AP3B2: variants seen among roughly 807,000 people sequenced by gnomAD.
AP3B2 encodes the protein adaptor related protein complex 3 subunit beta 2, also known as AP-3 complex subunit beta-2.
AP3B2 carries 50 observed loss-of-function variants against 126.9 expected under a neutral mutation model. The observed-to-expected ratio is 0.39, with a 90% confidence interval of 0.31 to 0.50. AP3B2 has a LOEUF of 0.50. Among genes scored for constraint, AP3B2 ranks in the 20% least tolerant of loss-of-function variants. The pLI, the probability that AP3B2 is intolerant of heterozygous loss-of-function variation, is 0.79. For missense variants in AP3B2, 1,177 were observed against 1,426.4 expected (o/e 0.83, Z 2.82); for synonymous variants, 541 against 565.0 (o/e 0.96, Z 0.60).
chr15:82,707,917 C>A (rs1234237275), intron 1 of AP3B2, among the ~76,000 whole-genome samples: 1 of 152,216 alleles, frequency 6.6e-6, no homozygotes, highest in African/African-American at 2.4e-5. Flanking sequence ...CCCTTCAAGG[C>A]TATGGAGAAG....
chr15:82,672,740 A>G (rs944171265), intron 14 of AP3B2, among the ~76,000 whole-genome samples: 1 of 152,220 alleles, frequency 6.6e-6, no homozygotes, highest in Admixed American at 6.5e-5. Flanking sequence ...TACACCTACT[A>G]TGTACCCATA....
rs747150151 is a variant in AP3B2, at chr15:82,662,847, A to G, written c.2680T>C (p.Tyr894His). 9.3e-6 allele frequency: 15 copies of G among 1,613,600 alleles called. No individual in the cohort carries two copies. The highest frequency in any genetic ancestry group is 1.2e-5 in the Non-Finnish European group (14 of 1,179,812). Residue 894 changes from tyrosine to histidine, a missense_variant, in exon 23 of 27, where the codon TAC becomes CAC. Transcript: ENST00000535359. ...GAGAAAGGTTGGCGGCTGAAGGTGT[A>G]GTCCACAGCCAGCCCCTCGCCAGCT... The part of the protein sequence containing the change: ...RVAGEGLAVD[Y>H]TFSRQPFSGD...
chr15:82,688,299 T>C (rs1305176131), intron 4 of AP3B2: 2 of 633,652 alleles, frequency 3.2e-6, no homozygotes, highest in African/African-American at 1.8e-5. Context: ...CTAGAGGCCT[T>C]GGGCAAAATG....
At chr15:82,693,962 A>G (rs1226509908) in intron 1 of AP3B2, among the ~76,000 whole-genome samples, 1 of 151,460 alleles carries the variant, frequency 6.6e-6, no homozygotes. Flanking sequence ...CAGCCTCCCA[A>G]AGTGCTGGGA....
chr15:82,681,678 G>T lies in AP3B2; in HGVS notation c.361-98C>A. 7.6e-7 allele frequency: 1 copy of T among 1,323,228 alleles called. No individual in the cohort carries two copies. The highest frequency in any genetic ancestry group is 1.0e-6 in the Non-Finnish European group (1 of 969,246). The allele number at this position is 1,323,228 out of a possible 1,614,324, so 82.0% of individuals were successfully genotyped here. On this transcript the variant is annotated intron_variant, in intron 4 of 26. Coordinates refer to ENST00000535359, the MANE Select transcript of AP3B2 (RefSeq NM_001278512.2). This position sits in a 1 kb window ranked among gnomAD's most constrained non-coding sequence, Gnocchi z 4.0. ...AAGTCACTGTCCCCAGCGACCACTA[G>T]CTCTTGCTTCCCTGCCGCTTGACTG...
In AP3B2 at chr15:82,665,565, G is replaced by A. The variant is rs1257342602; in HGVS notation, c.1863C>T (p.His621=). Residue 621 remains histidine (H), a synonymous_variant, in exon 16 of 27, where the codon CAC becomes CAT. Transcript: ENST00000535359. This position sits in a 1 kb window ranked among gnomAD's most constrained non-coding sequence, Gnocchi z 4.4. ...GGTGGGACAGTGAGCCCAGCTGGAA[G>A]TGGTCCCGGTCTAGGGATAGGTTTA... ...VLESSFKDRD[H]FQLGSLSHLL... 5.0e-6 allele frequency: 8 copies of A among 1,613,574 alleles called. No individual in the cohort carries two copies. Among genetic ancestry groups the A allele is most frequent in the Admixed American group, 1.7e-5 (1 of 60,018 alleles).
Position 82,665,652 on chromosome 15 carries a change from G to C in AP3B2, c.1853-77C>G. The C allele has an allele frequency of 8.0e-7, 1 of 1,247,278 alleles. No individual in the cohort carries two copies. Among genetic ancestry groups the C allele is most frequent in the South Asian group, 1.3e-5 (1 of 77,986 alleles). The allele number at this position is 1,247,278 out of a possible 1,614,324, so 77.3% of individuals were successfully genotyped here. A position where few individuals can be genotyped will look rare whatever the true frequency, so the allele number is the denominator to read the frequency against. ...GGGAGCTGTTTTCCAGGTGGGGCTGGGTGGTGATTCTGGTTGGGACTTCCC... is the reference window on the plus strand; with the variant it reads ...GGGAGCTGTTTTCCAGGTGGGGCTGCGTGGTGATTCTGGTTGGGACTTCCC... On this transcript the variant is annotated intron_variant, in intron 15 of 26. Transcript: ENST00000535359. This position sits in a 1 kb window ranked among gnomAD's most constrained non-coding sequence, Gnocchi z 4.4.
At chr15:82,663,761 G>A in intron 20 of AP3B2, 40 bp downstream of exon 20, 2 of 1,601,378 alleles carry the variant, frequency 1.2e-6, no homozygotes, top group Non-Finnish European at 1.7e-6. Context: ...GGAGGGCCCT[G>A]GCCCATGAGC....
intron 1 of AP3B2, among the ~76,000 whole-genome samples, chr15:82,696,810 C>T (rs927103617): frequency 1.3e-5 from 2 of 152,156 alleles, no homozygotes; most frequent in South Asian, 2.1e-4. Context: ...CTGGTGATCA[C>T]GAAGTGATCA....
intron 12 of AP3B2, 134 bp from the exon 13 acceptor site, chr15:82,677,517 G>A (rs2048263164): frequency 1.5e-6 from 2 of 1,361,206 alleles, no homozygotes; most frequent in South Asian, 1.4e-5. Flanking sequence ...AGCCCTCAGA[G>A]GTGTAGGAAC....
At chr15:82,692,137 G>C in intron 1 of AP3B2, 1 of 1,495,016 alleles carries the variant, frequency 6.7e-7, no homozygotes. Context: ...AACTCCACAC[G>C]AAGCCGACAC....
At position 82,659,429 on chromosome 15, in the gene AP3B2, G is replaced by T; in HGVS notation, c.*131C>A. 1 of 1,240,640 alleles carries T rather than the reference G, an allele frequency of 8.1e-7. No individual in the cohort carries two copies. Among genetic ancestry groups the T allele is most frequent in the East Asian group, 2.4e-5 (1 of 42,174 alleles). 76.9% of individuals were successfully genotyped at this position (1,240,640 alleles called of 1,614,324 possible). On this transcript the variant is annotated 3_prime_UTR_variant, in exon 27 of 27. Transcript: ENST00000535359. ...GGGAGGGCTTGGTCCTCCAGAGGGAGAGAGGACACCCTGAATGCTATCTGG... is the reference window on the plus strand; with the variant it reads ...GGGAGGGCTTGGTCCTCCAGAGGGATAGAGGACACCCTGAATGCTATCTGG...
intron 14 of AP3B2, among the ~76,000 whole-genome samples, chr15:82,674,692 TTAAA>T (rs1195912330): frequency 6.6e-6 from 1 of 152,250 alleles, no homozygotes; most frequent in African/African-American, 2.4e-5. Flanking sequence ...GGCCTACATG[TTAAA>T]TAAATGAACA....
At chr15:82,702,580 G>A (rs1404237142) in intron 1 of AP3B2, among the ~76,000 whole-genome samples, 1 of 134,756 alleles carries the variant, frequency 7.4e-6, no homozygotes, top group Admixed American at 7.8e-5. Flanking sequence ...TGTGTCCCCC[G>A]CCCCTGCCCA....
At chr15:82,706,527 A>G (rs2048798044) in intron 1 of AP3B2, among the ~76,000 whole-genome samples, 1 of 152,206 alleles carries the variant, frequency 6.6e-6, no homozygotes, top group African/African-American at 2.4e-5. Context: ...CGCTCAGGGC[A>G]ACACTTATGC....
chr15:82,706,616 T>C (rs1472442490), intron 1 of AP3B2, among the ~76,000 whole-genome samples: 1 of 152,128 alleles, frequency 6.6e-6, no homozygotes, highest in East Asian at 1.9e-4. Context: ...CATCAGTCAC[T>C]CCTACCTACT....
intron 1 of AP3B2, among the ~76,000 whole-genome samples, chr15:82,702,473 G>A (rs1044258267): frequency 4.6e-5 from 7 of 152,154 alleles, no homozygotes; most frequent in Non-Finnish European, 8.8e-5. Flanking sequence ...CACAAAAGAA[G>A]TGAAAATGGC....
Position 82,665,047 on chromosome 15 carries a change from TG to T in AP3B2, c.2029-105del. On this transcript the variant is annotated intron_variant, in intron 17 of 26. Coordinates refer to ENST00000535359, the MANE Select transcript of AP3B2 (RefSeq NM_001278512.2). The surrounding 1 kb of genome is among the most constrained non-coding windows in gnomAD (Gnocchi z 4.4). ...TTCCACCTCTTTGTGAGGCCCTACCTGGTCTGTCCCACAAAGGGAATAACAG... is the reference window on the plus strand; with the variant it reads ...TTCCACCTCTTTGTGAGGCCCTACCTGTCTGTCCCACAAAGGGAATAACAG... The T allele has an allele frequency of 9.4e-7, 1 of 1,065,404 alleles. No individual in the cohort carries two copies. The highest frequency in any genetic ancestry group is 1.4e-6 in the Non-Finnish European group (1 of 715,474). The allele number at this position is 1,065,404 out of a possible 1,614,324, so 66.0% of individuals were successfully genotyped here. A position where few individuals can be genotyped will look rare whatever the true frequency, so the allele number is the denominator to read the frequency against.
chr15:82,693,277 G>A (rs994580688), intron 1 of AP3B2, among the ~76,000 whole-genome samples: 5 of 135,488 alleles, frequency 3.7e-5, no homozygotes, highest in Non-Finnish European at 6.1e-5. Flanking sequence ...ATGGAATTTT[G>A]CTCTCATTGC....
Sources: gnomAD v4.1 joint callset for allele counts (sites outside exome capture counted in the v4.1 genomes callset) on GRCh38, gnomAD v4.1.1 for gene constraint, Gnocchi (gnomAD v3.1) non-coding constraint, MANE v1.5 for transcripts, NCBI Gene and HGNC (gene_info 2026-07-23, HGNC 2026-07-21) for gene names.